Variants in HPSE2 observed in about 807,000 individuals in gnomAD.
The protein encoded by HPSE2 is inactive heparanase-2.
Under a neutral mutation model 60.5 loss-of-function variants are expected in HPSE2, and 38 were observed. The observed-to-expected ratio is 0.63, with a 90% CI of 0.48 to 0.82. The LOEUF is 0.82. Ranked by LOEUF, HPSE2 falls within the 40% of genes least tolerant of loss-of-function variation. The pLI is 0.00. For synonymous variants in HPSE2, 295 were observed against 293.2 expected (o/e 1.01, Z -0.06); for missense variants, 713 against 740.4 (o/e 0.96, Z 0.43).
At chr10:98,983,053 C>T (rs1956245112) in intron 3 of HPSE2, among the ~76,000 whole-genome samples, 3 of 152,160 alleles carry the variant, frequency 2.0e-5, no homozygotes, top group Admixed American at 2.0e-4. Flanking sequence ...AAATGCCAGA[C>T]AATGTGCTAA....
intron 2 of HPSE2, among the ~76,000 whole-genome samples, chr10:99,189,474 A>G (rs772766231): frequency 2.6e-5 from 4 of 152,206 alleles, no homozygotes; most frequent in Non-Finnish European, 4.4e-5. Context: ...CCTCAATAAA[A>G]AGCATGAACT....
At chr10:98,735,495 T>A (rs1321701111) in intron 4 of HPSE2, among the ~76,000 whole-genome samples, 1 of 151,758 alleles carries the variant, frequency 6.6e-6, no homozygotes, top group South Asian at 2.1e-4. Context: ...ACTGGGGCAC[T>A]GCCTAGTAGA....
At chr10:98,979,845 A>T (rs1956167375) in intron 3 of HPSE2, among the ~76,000 whole-genome samples, 1 of 152,210 alleles carries the variant, frequency 6.6e-6, no homozygotes, top group Admixed American at 6.5e-5. Flanking sequence ...TTAGAGAAGG[A>T]ATTTTCAAGA....
the HPSE2 span, among the ~76,000 whole-genome samples, chr10:99,253,032 ATAT>A: frequency 1.3e-5 from 2 of 152,216 alleles, no homozygotes; most frequent in Non-Finnish European, 2.9e-5. Flanking sequence ...GGAAGAATCA[ATAT>A]TATAAAAATG....
At chr10:99,305,965 GCGCGCGCGCGCGCGCACACA>G in the HPSE2 span, among the ~76,000 whole-genome samples, 36 of 64,000 alleles carry the variant, frequency 5.6e-4, 1 homozygote, top group African/African-American at 2.7e-3. Flanking sequence ...ACACACACGC[GCGCGCGCGCGCGCGCACACA>G]CACACACACA....
chr10:99,151,578 C>T (rs1846264351), intron 2 of HPSE2, among the ~76,000 whole-genome samples: 1 of 151,834 alleles, frequency 6.6e-6, no homozygotes. Flanking sequence ...TGTTAAAAGC[C>T]CAAGATAAAA....
At chr10:98,754,828 C>G (rs1171390049) in intron 3 of HPSE2, among the ~76,000 whole-genome samples, 2 of 151,366 alleles carry the variant, frequency 1.3e-5, no homozygotes, top group African/African-American at 4.9e-5. Context: ...TTCAGACAAG[C>G]AAAAGGTAAG....
chr10:98,655,128 C>T (rs927423465), intron 6 of HPSE2, among the ~76,000 whole-genome samples: 3 of 151,942 alleles, frequency 2.0e-5, no homozygotes, highest in Admixed American at 1.3e-4. Flanking sequence ...CCTTTTTTTC[C>T]CAGTAGCATA....
intron 3 of HPSE2, among the ~76,000 whole-genome samples, chr10:99,069,405 C>G (rs899211125): frequency 1.3e-5 from 2 of 151,954 alleles, no homozygotes; most frequent in Non-Finnish European, 2.9e-5. Context: ...ATCATGAGAG[C>G]TAGACCTCGC....
intron 3 of HPSE2, among the ~76,000 whole-genome samples, chr10:98,824,474 ATT>A (rs1205083673): frequency 1.3e-5 from 2 of 152,268 alleles, no homozygotes; most frequent in African/African-American, 4.8e-5. Flanking sequence ...GTGCTTGAAG[ATT>A]TTGTGTGTGT....
rs187796642 is a variant in HPSE2, at chr10:98,560,577, C to T, written c.1320+54327G>A. Among the ~76,000 whole-genome samples, 352 of 152,236 alleles carry T rather than the reference C, an allele frequency of 2.3e-3. 1 individual carries two copies. The highest frequency in any genetic ancestry group is 4.2e-3 in the Non-Finnish European group (284 of 67,994). On this transcript the variant is annotated intron_variant, in intron 9 of 11. Transcript: ENST00000370552. ...GCCACTCAGGCCTTTTTTTCTTCACCGAGTGTATTTTCTTGGTCCACCTCA... is the reference window on the plus strand; with the variant it reads ...GCCACTCAGGCCTTTTTTTCTTCACTGAGTGTATTTTCTTGGTCCACCTCA...
intron 3 of HPSE2, among the ~76,000 whole-genome samples, chr10:98,915,581 A>G (rs561620080): frequency 1.1e-3 from 168 of 152,354 alleles, no homozygotes; most frequent in Non-Finnish European, 2.1e-3. Flanking sequence ...GAAAGATAGA[A>G]TCATCAAAAC....
chr10:98,860,573 TAC>T (rs1397500683), intron 3 of HPSE2, among the ~76,000 whole-genome samples: 1 of 152,198 alleles, frequency 6.6e-6, no homozygotes, highest in Non-Finnish European at 1.5e-5. Flanking sequence ...TATGCCCATT[TAC>T]AGATGGGGAA....
intron 2 of HPSE2, among the ~76,000 whole-genome samples, chr10:99,217,594 T>G (rs554869255): frequency 7.2e-5 from 11 of 152,080 alleles, no homozygotes; most frequent in African/African-American, 2.6e-4. Flanking sequence ...TTGTTGTTGT[T>G]GTGCTGCTGC....
intron 3 of HPSE2, among the ~76,000 whole-genome samples, chr10:98,910,300 C>T (rs1953944435): frequency 6.6e-6 from 1 of 152,058 alleles, no homozygotes; most frequent in Admixed American, 6.6e-5. Context: ...ACCCTTGCTG[C>T]CCTCAGTATA....
At chr10:98,609,372 A>C (rs1387349268) in intron 9 of HPSE2, among the ~76,000 whole-genome samples, 1 of 152,226 alleles carries the variant, frequency 6.6e-6, no homozygotes, top group East Asian at 1.9e-4. Context: ...AACATGAATA[A>C]TAAGTGAACA....
intron 3 of HPSE2, among the ~76,000 whole-genome samples, chr10:99,049,243 T>A (rs1337876895): frequency 6.6e-6 from 1 of 152,218 alleles, no homozygotes; most frequent in Non-Finnish European, 1.5e-5. Flanking sequence ...TATAGTTCTT[T>A]TCTATACTCT....
chr10:98,945,014 T>G (rs534798016), intron 3 of HPSE2, among the ~76,000 whole-genome samples: 2 of 152,276 alleles, frequency 1.3e-5, no homozygotes, highest in South Asian at 4.1e-4. Flanking sequence ...CACGCCACAA[T>G]GGTTGCTCAA....
chr10:98,796,468 G>A (rs1160283510), intron 3 of HPSE2, among the ~76,000 whole-genome samples: 2 of 152,320 alleles, frequency 1.3e-5, no homozygotes, highest in Non-Finnish European at 1.5e-5. Context: ...GAGTGGGAAG[G>A]ACTTTGTATT....
Sources: gnomAD v4.1 joint callset for allele counts (sites outside exome capture counted in the v4.1 genomes callset) on GRCh38, gnomAD v4.1.1 for gene constraint, MANE v1.5 for transcripts, NCBI Gene and HGNC (gene_info 2026-07-23, HGNC 2026-07-21) for gene names.